Variants in MYO16 observed in about 807,000 individuals in gnomAD.
MYO16 encodes myosin XVI.
A neutral mutation model predicts 205.3 loss-of-function variants in MYO16; 94 were observed. That is an observed-to-expected ratio of 0.46 (90% CI 0.39 to 0.54). The LOEUF is 0.54. MYO16 is among the 20% of genes least tolerant of loss of function. The pLI is 0.00. For synonymous variants in MYO16, 988 were observed against 954.0 expected (o/e 1.04, Z -0.66); for missense variants, 2,315 against 2,387.5 (o/e 0.97, Z 0.63).
chr13:108,568,972 C>T, the MYO16 span, among the ~76,000 whole-genome samples: 2 of 151,748 alleles, frequency 1.3e-5, no homozygotes, highest in Admixed American at 1.3e-4. Flanking sequence ...GTTTAATTGA[C>T]CATAAATGTG....
intron 31 of MYO16, among the ~76,000 whole-genome samples, chr13:109,137,875 AAC>A (rs1016844384): frequency 1.3e-5 from 2 of 152,172 alleles, no homozygotes; most frequent in African/African-American, 2.4e-5. Flanking sequence ...GCCCAGCACA[AAC>A]ACACACAGTT....
chr13:108,969,774 T>A (rs1168231502), intron 20 of MYO16, among the ~76,000 whole-genome samples: 2 of 152,208 alleles, frequency 1.3e-5, no homozygotes, highest in East Asian at 3.8e-4. Context: ...CATCGAGAAC[T>A]GCGGATTGTT....
intron 16 of MYO16, 101 bp from the exon 17 acceptor site, chr13:108,957,586 AT>A: frequency 2.7e-6 from 2 of 733,034 alleles, no homozygotes; most frequent in Non-Finnish European, 4.8e-6. Context: ...TGTCCAGGTG[AT>A]TCCCATCATT....
chr13:108,497,625 T>C, the MYO16 span, among the ~76,000 whole-genome samples: 20 of 152,184 alleles, frequency 1.3e-4, no homozygotes, highest in Admixed American at 4.6e-4. Flanking sequence ...GGTTTATCTG[T>C]GTACTATGAG....
intron 16 of MYO16, among the ~76,000 whole-genome samples, chr13:108,947,156 A>G (rs1262231003): frequency 6.6e-6 from 1 of 152,184 alleles, no homozygotes; most frequent in Non-Finnish European, 1.5e-5. Context: ...GCATATTACT[A>G]AAGTTTTGGT....
the MYO16 span, among the ~76,000 whole-genome samples, chr13:108,497,860 T>C: frequency 6.6e-6 from 1 of 152,174 alleles, no homozygotes. Flanking sequence ...GAGTGTATAC[T>C]GAATACAAGT....
At chr13:108,549,185 A>G in the MYO16 span, among the ~76,000 whole-genome samples, 1 of 152,200 alleles carries the variant, frequency 6.6e-6, no homozygotes, top group African/African-American at 2.4e-5. Flanking sequence ...TGACTTTGCA[A>G]ATGAGATTAA....
chr13:109,149,224 A>G (rs1200332412), intron 32 of MYO16, among the ~76,000 whole-genome samples: 1 of 152,190 alleles, frequency 6.6e-6, no homozygotes, highest in Non-Finnish European at 1.5e-5. Flanking sequence ...TATAATGGGA[A>G]ATACTCAGAT....
the MYO16 span, among the ~76,000 whole-genome samples, chr13:108,586,651 A>C: frequency 6.6e-6 from 1 of 152,166 alleles, no homozygotes; most frequent in Non-Finnish European, 1.5e-5. Flanking sequence ...GTAGGTGAAA[A>C]ATGGGTCAGG....
chr13:108,703,273 T>C (rs541541652), intron 2 of MYO16, among the ~76,000 whole-genome samples: 5 of 152,090 alleles, frequency 3.3e-5, no homozygotes, highest in Non-Finnish European at 7.4e-5. Context: ...CTAGAATACA[T>C]ATGTAAATAT....
chr13:108,696,421 T>C (rs966595073), intron 2 of MYO16, among the ~76,000 whole-genome samples: 3 of 152,140 alleles, frequency 2.0e-5, no homozygotes, highest in Admixed American at 6.5e-5. Context: ...AGACAAACCA[T>C]TGCTACACAG....
At chr13:109,101,955 CAGGG>C in intron 28 of MYO16, 1 of 152,242 alleles carries the variant, frequency 6.6e-6, no homozygotes, top group Non-Finnish European at 1.5e-5. Context: ...CTAAGTAAAA[CAGGG>C]AGGGAAGACT....
At chr13:108,840,117 A>G (rs1877162840) in intron 9 of MYO16, among the ~76,000 whole-genome samples, 1 of 152,206 alleles carries the variant, frequency 6.6e-6, no homozygotes, top group Admixed American at 6.5e-5. Flanking sequence ...TTGAAAATGC[A>G]TGCCCATACA....
the MYO16 span, among the ~76,000 whole-genome samples, chr13:108,585,976 T>C: frequency 1.6e-5 from 2 of 122,312 alleles, no homozygotes; most frequent in Non-Finnish European, 3.7e-5. Flanking sequence ...AGACTTGATC[T>C]GTAAACTAAG....
At chr13:108,524,373 C>T in the MYO16 span, among the ~76,000 whole-genome samples, 2 of 151,910 alleles carry the variant, frequency 1.3e-5, no homozygotes, top group African/African-American at 4.8e-5. Flanking sequence ...GACTCTCTCC[C>T]TCTCTCTTCT....
chr13:109,130,890 T>G (rs1356738993), intron 31 of MYO16, among the ~76,000 whole-genome samples: 1 of 152,182 alleles, frequency 6.6e-6, no homozygotes, highest in Non-Finnish European at 1.5e-5. Context: ...AATTTTAAAT[T>G]TCATTCCTCC....
At chr13:108,641,582 A>G (rs1292808482) in intron 1 of MYO16, among the ~76,000 whole-genome samples, 2 of 152,098 alleles carry the variant, frequency 1.3e-5, no homozygotes, top group African/African-American at 2.4e-5. Flanking sequence ...TTATTGGGGG[A>G]AAAATGCCAT....
At chr13:109,166,276 G>A (rs1191314248) in intron 33 of MYO16, among the ~76,000 whole-genome samples, 6 of 152,128 alleles carry the variant, frequency 3.9e-5, no homozygotes, top group Non-Finnish European at 8.8e-5. Context: ...TCGTCAAATG[G>A]AAATTCTGAA....
At chr13:108,585,201 A>T in the MYO16 span, among the ~76,000 whole-genome samples, 2 of 152,166 alleles carry the variant, frequency 1.3e-5, no homozygotes, top group African/African-American at 4.8e-5. Context: ...TCCTGAGAAC[A>T]TGCACCCAAG....
Sources: gnomAD v4.1 joint callset for allele counts (sites outside exome capture counted in the v4.1 genomes callset) on GRCh38, gnomAD v4.1.1 for gene constraint, MANE v1.5 for transcripts, NCBI Gene and HGNC (gene_info 2026-07-23, HGNC 2026-07-21) for gene names.